Variants in KIAA0586 observed in about 807,000 individuals in gnomAD.
The protein encoded by KIAA0586 is KIAA0586.
KIAA0586 carries 144 observed loss-of-function variants against 169.8 expected under a neutral mutation model. That is an observed-to-expected ratio of 0.85 (90% confidence interval 0.74 to 0.97). The LOEUF is 0.97. Ranked by LOEUF, KIAA0586 falls within the 50% of genes least tolerant of loss-of-function variation. The probability of loss-of-function intolerance (pLI) is 0.00; values close to 1 mark genes in which losing one functional copy is unlikely to be tolerated. For missense variants in KIAA0586, 1,854 were observed against 1,823.0 expected (o/e 1.02, Z -0.31); for synonymous variants, 625 against 612.4 (o/e 1.02, Z -0.30).
chr14:58,540,556 A>AG (rs2046584283), intron 30 of KIAA0586, among the ~76,000 whole-genome samples: 1 of 152,244 alleles, frequency 6.6e-6, no homozygotes, highest in Non-Finnish European at 1.5e-5. Context: ...TGCTTTTTAG[A>AG]GGAAAAAATT....
At chr14:58,456,850 A>T (rs765484685) in intron 10 of KIAA0586, 40 bp downstream of exon 10, 1 of 1,054,176 alleles carries the variant, frequency 9.5e-7, no homozygotes. Context: ...ATTAGTTAAG[A>T]TAAAAATTAA....
intron 29 of KIAA0586, among the ~76,000 whole-genome samples, chr14:58,519,023 T>C (rs1056659876): frequency 2.0e-5 from 3 of 152,198 alleles, no homozygotes; most frequent in African/African-American, 7.2e-5. Flanking sequence ...TCCCAGCTAC[T>C]TGGGAGGCTG....
At chr14:58,557,928 T>TTTTTTG in the KIAA0586 span, among the ~76,000 whole-genome samples, 13 of 127,308 alleles carry the variant, frequency 1.0e-4, no homozygotes, top group Non-Finnish European at 1.8e-4. Flanking sequence ...TTTTTTTTTT[T>TTTTTTG]GAGACAGGGT....
intron 27 of KIAA0586, among the ~76,000 whole-genome samples, chr14:58,506,558 G>A (rs781611390): frequency 1.1e-4 from 17 of 151,806 alleles, no homozygotes; most frequent in Non-Finnish European, 2.2e-4. Flanking sequence ...GTGGTGGCGC[G>A]TGCCTGTGGT....
chr14:58,545,823 G>A (rs1156310095), intron 30 of KIAA0586, among the ~76,000 whole-genome samples: 1 of 152,084 alleles, frequency 6.6e-6, no homozygotes, highest in African/African-American at 2.4e-5. Flanking sequence ...TTGAGACAAA[G>A]GAGTTTGAGA....
chr14:58,544,044 A>T (rs888388946), intron 30 of KIAA0586: 1 of 380,258 alleles, frequency 2.6e-6, no homozygotes, highest in African/African-American at 2.2e-5. Context: ...AGTAGATCCC[A>T]GTGTTTGTTG....
intron 2 of KIAA0586, among the ~76,000 whole-genome samples, chr14:58,429,960 A>G (rs1409523930): frequency 1.3e-5 from 2 of 152,194 alleles, no homozygotes. Context: ...GGCTAATCAT[A>G]GTGTTGACCT....
At chr14:58,505,668 T>C (rs946946036) in intron 27 of KIAA0586, among the ~76,000 whole-genome samples, 1 of 152,194 alleles carries the variant, frequency 6.6e-6, no homozygotes, top group Non-Finnish European at 1.5e-5. Flanking sequence ...TATGAAGATA[T>C]GTTTCTGACT....
chr14:58,479,581 TA>T (rs1020767958), intron 20 of KIAA0586, among the ~76,000 whole-genome samples: 1 of 152,172 alleles, frequency 6.6e-6, no homozygotes, highest in African/African-American at 2.4e-5. Context: ...ATGCTGCTTT[TA>T]AAAAAATCTT....
chr14:58,481,439 G>T (rs1410255121), intron 20 of KIAA0586, among the ~76,000 whole-genome samples: 1 of 152,168 alleles, frequency 6.6e-6, no homozygotes, highest in Non-Finnish European at 1.5e-5. Context: ...CACCTCAACT[G>T]CAGTAGATGT....
At chr14:58,432,501 A>T (rs2037462088) in intron 4 of KIAA0586, 44 bp downstream of exon 4, 1 of 1,044,768 alleles carries the variant, frequency 9.6e-7, no homozygotes. Flanking sequence ...TTCTTATGTA[A>T]ATCAGCTTCA....
chr14:58,547,874 C>T lies in KIAA0586; in HGVS notation c.4589C>T (p.Ser1530Phe), dbSNP rs2047080764. 1.2e-6 allele frequency: 2 copies of T among 1,613,776 alleles called. No individual in the cohort carries two copies. The highest frequency in any genetic ancestry group is 1.7e-6 in the Non-Finnish European group (2 of 1,179,760). ...PSVNLEDCSQ[S>F]LSLSTMQEDM... is the part of the protein sequence containing the mutation. ...GTGAACCTCGAGGACTGCTCTCAGT[C>T]TCTGAGTCTCAGCACAATGCAGGAG... The change falls in exon 31 of 31, where the codon TCT (serine) becomes TTT (phenylalanine). Residue 1530 changes from serine (S) to phenylalanine (F), a missense_variant. Physicochemically the swap from Ser to Phe is radical, Grantham distance 155 (BLOSUM62 -2). Coordinates refer to ENST00000652326, the MANE Select transcript of KIAA0586 (RefSeq NM_001329943.3).
chr14:58,497,601 G>A (rs537769215), intron 26 of KIAA0586, among the ~76,000 whole-genome samples: 359 of 151,616 alleles, frequency 2.4e-3, no homozygotes, highest in African/African-American at 8.2e-3. Flanking sequence ...CTGACCTTGC[G>A]ATCTGCCCGC....
intron 27 of KIAA0586, among the ~76,000 whole-genome samples, chr14:58,506,031 C>T (rs1272356904): frequency 6.6e-6 from 1 of 152,092 alleles, no homozygotes; most frequent in Non-Finnish European, 1.5e-5. Flanking sequence ...TACCAATTCT[C>T]TTATTAGTTC....
At chr14:58,491,812 G>A (rs1010248944) in intron 25 of KIAA0586, among the ~76,000 whole-genome samples, 2 of 152,236 alleles carry the variant, frequency 1.3e-5, no homozygotes, top group Non-Finnish European at 2.9e-5. Context: ...TGAGGAGGAG[G>A]CTGTGACCCA....
Position 58,442,794 on chromosome 14 carries a change from A to G in KIAA0586, c.499A>G (p.Arg167Gly), listed in dbSNP as rs1401804543. Residue 167 changes from arginine to glycine, a missense_variant, in exon 5 of 31, where the codon AGA (arginine) becomes GGA (glycine). Arg to Gly is a moderately radical substitution (Grantham distance 125). Coordinates refer to ENST00000652326, the MANE Select transcript of KIAA0586 (RefSeq NM_001329943.3). ...IEKDAVTQET[R>G]ISPSGIDSAT... ...GAAGGATGCTGTTACTCAGGAGACTAGAATTTCACCCAGTGGAATTGATTC... is the reference window on the plus strand; with the variant it reads ...GAAGGATGCTGTTACTCAGGAGACTGGAATTTCACCCAGTGGAATTGATTC... 3.1e-6 allele frequency: 5 copies of G among 1,606,336 alleles called. No homozygotes were observed. The South Asian group carries it at 4.5e-5, about 14-fold the overall frequency.
At chr14:58,521,965 A>G in intron 29 of KIAA0586, 1 of 1,369,630 alleles carries the variant, frequency 7.3e-7, no homozygotes. Context: ...TGACAGAGAC[A>G]GCACCAATGG....
At chr14:58,468,714 C>A (rs191174283) in intron 16 of KIAA0586, among the ~76,000 whole-genome samples, 1 of 152,156 alleles carries the variant, frequency 6.6e-6, no homozygotes, top group Non-Finnish European at 1.5e-5. Flanking sequence ...TATTTACATG[C>A]GACTTTCTAT....
rs553872009 is a variant in KIAA0586, at chr14:58,460,153, G to A, written c.1884+83G>A. 3.2e-5 allele frequency: 26 copies of A among 803,420 alleles called. No homozygotes were observed. In the African/African-American group the frequency reaches 4.0e-4, roughly 12 times the overall value. The allele number at this position is 803,420 out of a possible 1,614,324, so 49.8% of individuals were successfully genotyped here. ...TTAAGAGATAAATAATGAAGCGAAT[G>A]TGAAGGTGTTTTAAAAATATGAAGG... is the stretch of plus-strand genomic sequence containing the variant. On this transcript the variant is annotated intron_variant, in intron 13 of 30. Coordinates refer to ENST00000652326, the MANE Select transcript of KIAA0586 (RefSeq NM_001329943.3).
Sources: allele counts gnomAD v4.1 joint callset (sites outside exome capture counted in the v4.1 genomes callset), GRCh38; gene constraint gnomAD v4.1.1; transcripts MANE v1.5; gene names NCBI Gene and HGNC (gene_info 2026-07-23, HGNC 2026-07-21).